CSMD3: variants seen among roughly 807,000 people sequenced by gnomAD.
CSMD3 encodes CUB and Sushi multiple domains 3, also known as CUB and sushi domain-containing protein 3.
CSMD3 carries 177 observed loss-of-function variants against 435.2 expected under a neutral mutation model. The ratio of observed to expected loss-of-function variants is 0.41; its 90% CI spans 0.36 to 0.46. The LOEUF (loss-of-function observed/expected upper bound fraction) is 0.46, where lower values mean the gene tolerates loss of function less well. Ranked by LOEUF, CSMD3 falls within the 20% of genes least tolerant of loss-of-function variation. The pLI, the probability that CSMD3 is intolerant of heterozygous loss-of-function variation, is 0.34. For synonymous variants in CSMD3, 1,656 were observed against 1,520.5 expected, an observed-to-expected ratio of 1.09 and a Z score of -2.07; for missense variants, 4,265 against 4,504.6, an observed-to-expected ratio of 0.95 and a Z score of 1.52.
At chr8:112,535,333 C>A (rs981367223) in intron 27 of CSMD3, among the ~76,000 whole-genome samples, 3 of 152,152 alleles carry the variant, frequency 2.0e-5, no homozygotes, top group Admixed American at 6.6e-5. Context: ...TCTCAGGATA[C>A]AAAATCAGTG....
intron 4 of CSMD3, among the ~76,000 whole-genome samples, chr8:113,101,403 C>A (rs750248043): frequency 1.3e-4 from 20 of 152,074 alleles, no homozygotes; most frequent in Admixed American, 3.9e-4. Flanking sequence ...AATGCAGTTT[C>A]TTTCAAAATG....
intron 10 of CSMD3, among the ~76,000 whole-genome samples, chr8:112,911,041 G>C (rs1235826080): frequency 6.6e-6 from 1 of 151,676 alleles, no homozygotes; most frequent in Non-Finnish European, 1.5e-5. Context: ...TCTTTCACAG[G>C]CTCAACTTCA....
intron 2 of CSMD3, among the ~76,000 whole-genome samples, chr8:113,301,893 T>C (rs866216527): frequency 3.9e-5 from 6 of 151,938 alleles, no homozygotes; most frequent in South Asian, 2.1e-4. Context: ...TAACAGAAAA[T>C]AGGTCATATA....
intron 1 of CSMD3, among the ~76,000 whole-genome samples, chr8:113,315,232 C>G (rs980363185): frequency 6.6e-6 from 1 of 152,114 alleles, no homozygotes; most frequent in South Asian, 2.1e-4. Context: ...GCAACACATG[C>G]TAGCTTTTTT....
chr8:112,432,076 T>G (rs1299214278), intron 32 of CSMD3, among the ~76,000 whole-genome samples: 1 of 152,018 alleles, frequency 6.6e-6, no homozygotes, highest in East Asian at 1.9e-4. Context: ...CTGAATCATT[T>G]GAGAACTAAC....
chr8:112,319,227 T>A (rs1447639832), intron 46 of CSMD3, among the ~76,000 whole-genome samples: 1 of 152,068 alleles, frequency 6.6e-6, no homozygotes, highest in East Asian at 1.9e-4. Flanking sequence ...AATAATTTAG[T>A]TGATATAGGT....
At chr8:112,906,735 A>G (rs927910484) in intron 10 of CSMD3, among the ~76,000 whole-genome samples, 2 of 151,532 alleles carry the variant, frequency 1.3e-5, no homozygotes, top group Non-Finnish European at 3.0e-5. Context: ...ATTGCTCAAT[A>G]TTCCAATAAC....
In CSMD3 at chr8:112,265,587, A is replaced by C. The variant is rs927593892; in HGVS notation, c.9512T>G (p.Ile3171Ser). Residue 3171 changes from isoleucine to serine, a missense_variant, in exon 60 of 71, where the codon ATC (isoleucine) becomes AGC (serine). Physicochemically the swap from Ile to Ser is moderately radical, Grantham distance 142 (BLOSUM62 -2). Around this residue, in one of 3 missense-constraint regions of CSMD3, gnomAD observed 3,255 missense variants for 3,380.2 expected, o/e 0.96. Transcript: ENST00000297405. Reference protein sequence around the residue: ...WSGTLPNCTIISCGDPGIPAN... With the variant: ...WSGTLPNCTISSCGDPGIPAN... ...TGGTATACCTGGGTCTCCACAACTG[A>C]TTACTGTCAGTATTGGATTAGAAGA... The C allele has an allele frequency of 6.2e-7, 1 of 1,610,368 alleles. No homozygotes were observed. Among genetic ancestry groups the C allele is most frequent in the Admixed American group, 1.7e-5 (1 of 59,954 alleles).
chr8:112,601,702 C>T (rs916935014), intron 22 of CSMD3, among the ~76,000 whole-genome samples: 2 of 151,914 alleles, frequency 1.3e-5, no homozygotes, highest in Non-Finnish European at 1.5e-5. Flanking sequence ...GGAAAGAAGG[C>T]AATTCAATTT....
chr8:113,056,323 T>A (rs779027920), intron 5 of CSMD3, among the ~76,000 whole-genome samples: 1 of 152,174 alleles, frequency 6.6e-6, no homozygotes, highest in Non-Finnish European at 1.5e-5. Context: ...AAACTTTCAA[T>A]GACAGCAGAA....
intron 12 of CSMD3, among the ~76,000 whole-genome samples, chr8:112,817,343 A>G (rs1291019548): frequency 6.6e-6 from 1 of 152,100 alleles, no homozygotes; most frequent in East Asian, 1.9e-4. Context: ...AAGGCCAGTA[A>G]TTGCATTACC....
intron 5 of CSMD3, among the ~76,000 whole-genome samples, chr8:113,075,191 C>T (rs2089286850): frequency 6.6e-6 from 1 of 151,584 alleles, no homozygotes; most frequent in African/African-American, 2.4e-5. Context: ...AAATAGAAAT[C>T]TCGTATTAAA....
At chr8:113,079,705 G>T (rs1327862866) in intron 5 of CSMD3, among the ~76,000 whole-genome samples, 1 of 152,072 alleles carries the variant, frequency 6.6e-6, no homozygotes, top group Non-Finnish European at 1.5e-5. Context: ...TTTGACTGTT[G>T]AAGTTAAAAT....
chr8:112,370,014 A>AGAAGAGGAAGAG lies in CSMD3; in HGVS notation c.6136+10337_6136+10338insCTCTTCCTCTTC, dbSNP rs1554658391. On this transcript the variant is annotated intron_variant, in intron 38 of 70. Coordinates refer to ENST00000297405, the MANE Select transcript of CSMD3 (RefSeq NM_198123.2). ...AAGAGGAAGAAGAAGAGGAAGAGGAAGAAGAAGAGGAAGAAGAAGAAGAAG... is the reference window on the plus strand; with the variant it reads ...AAGAGGAAGAAGAAGAGGAAGAGGAAGAAGAGGAAGAGGAAGAAGAGGAAGAAGAAGAAGAAG... Among the ~76,000 whole-genome samples, 16 of 112,776 alleles carry AGAAGAGGAAGAG rather than the reference A, an allele frequency of 1.4e-4. 1 individual carries two copies. In the East Asian group the frequency reaches 1.7e-3, roughly 12 times the overall value. 74.0% of individuals were successfully genotyped at this position (112,776 alleles called of 152,430 possible).
chr8:113,275,115 A>T (rs1057019861), intron 3 of CSMD3, among the ~76,000 whole-genome samples: 2 of 152,032 alleles, frequency 1.3e-5, no homozygotes, highest in Non-Finnish European at 2.9e-5. Flanking sequence ...ATATGTATAG[A>T]CTGTTTATTA....
At chr8:113,311,154 A>G (rs1336632980) in intron 2 of CSMD3, 5 of 152,078 alleles carry the variant, frequency 3.3e-5, no homozygotes, top group African/African-American at 1.2e-4. Flanking sequence ...TGTAAAATAA[A>G]CAAGGCTTAG....
At chr8:112,292,826 CT>C in intron 54 of CSMD3, 116 bp from the exon 55 acceptor site, 3 of 890,634 alleles carry the variant, frequency 3.4e-6, no homozygotes, top group Admixed American at 2.0e-5. Context: ...AAGAAGACTA[CT>C]TTTTATCTGG....
chr8:113,260,307 A>G (rs2093416566), intron 3 of CSMD3, among the ~76,000 whole-genome samples: 3 of 152,182 alleles, frequency 2.0e-5, no homozygotes, highest in Admixed American at 2.0e-4. Context: ...AAGTTGTCTC[A>G]TCACCATGTC....
At chr8:113,240,508 C>T (rs892352345) in intron 3 of CSMD3, among the ~76,000 whole-genome samples, 4 of 152,148 alleles carry the variant, frequency 2.6e-5, no homozygotes, top group African/African-American at 9.7e-5. Flanking sequence ...TCCACAACCT[C>T]ACTAGGCTAA....
Sources: gnomAD v4.1 joint callset for allele counts (sites outside exome capture counted in the v4.1 genomes callset) on GRCh38, gnomAD v4.1.1 for gene constraint, gnomAD v4.1.1 regional missense constraint, MANE v1.5 for transcripts, NCBI Gene and HGNC (gene_info 2026-07-23, HGNC 2026-07-21) for gene names.